The following ROCK1 variants were observed in gnomAD, a reference collection of about 807,000 sequenced individuals.
The protein encoded by ROCK1 is Rho associated coiled-coil containing protein kinase 1, also known as rho-associated protein kinase 1.
A neutral mutation model predicts 196.8 loss-of-function variants in ROCK1; 36 were observed. That is an observed-to-expected ratio of 0.18 (90% confidence interval 0.14 to 0.24). ROCK1 has a LOEUF of 0.24. Among genes scored for constraint, ROCK1 ranks in the 10% least tolerant of loss-of-function variants. The pLI, the probability that ROCK1 is intolerant of heterozygous loss-of-function variation, is 1.00. For missense variants in ROCK1, 920 were observed against 1,562.0 expected, an observed-to-expected ratio of 0.59 and a Z score of 6.93; for synonymous variants, 443 against 515.9, an observed-to-expected ratio of 0.86 and a Z score of 1.91.
At chr18:21,056,665 T>C (rs1598546468) in intron 2 of ROCK1, among the ~76,000 whole-genome samples, 1 of 152,274 alleles carries the variant, frequency 6.6e-6, no homozygotes, top group East Asian at 1.9e-4. Context: ...TGCTCAAAAG[T>C]CTCTAATGTC....
At position 21,111,305 on chromosome 18, in the gene ROCK1, C is replaced by T. The variant is rs1462300504; in HGVS notation, c.-395G>A. The T allele has an allele frequency of 6.6e-6, 3 of 456,320 alleles. No homozygotes were observed. The highest frequency in any genetic ancestry group is 6.1e-5 in the African/African-American group (3 of 49,010). The allele number at this position is 456,320 out of a possible 1,614,324, so 28.3% of individuals were successfully genotyped here. A position where few individuals can be genotyped will look rare whatever the true frequency, so the allele number is the denominator to read the frequency against. On this transcript the variant is annotated 5_prime_UTR_variant, in exon 1 of 33. Transcript: ENST00000399799. The surrounding 1 kb of genome is among the most constrained non-coding windows in gnomAD (Gnocchi z 4.2). ...AGAAAGAGAAGCAGGGTGGAGACTC[C>T]CTCCGGGCAACAAGGGAGGGAGAAG...
At chr18:21,079,764 G>A (rs2036467182) in intron 1 of ROCK1, among the ~76,000 whole-genome samples, 1 of 152,170 alleles carries the variant, frequency 6.6e-6, no homozygotes, top group Admixed American at 6.5e-5. Flanking sequence ...TAAAGGTCTG[G>A]GTTGTCTCGC....
intron 1 of ROCK1, among the ~76,000 whole-genome samples, chr18:21,097,726 T>C (rs1187193939): frequency 2.0e-5 from 3 of 152,216 alleles, no homozygotes; most frequent in African/African-American, 2.4e-5. Context: ...ATCTACTAAA[T>C]GTTGTGAACT....
intron 16 of ROCK1, among the ~76,000 whole-genome samples, chr18:20,994,010 T>TA (rs2035649240): frequency 5.9e-5 from 9 of 152,334 alleles, no homozygotes; most frequent in Admixed American, 5.9e-4. Context: ...TGTACTCTAG[T>TA]CACCTCCCAT....
rs1210479047 is a variant in ROCK1, at chr18:20,948,994, C to T, written c.*2390G>A. The T allele has an allele frequency of 3.3e-5, 5 of 151,142 alleles. No individual in the cohort carries two copies. Among genetic ancestry groups the T allele is most frequent in the Non-Finnish European group, 7.4e-5 (5 of 67,632 alleles). 9.4% of individuals were successfully genotyped at this position (151,142 alleles called of 1,614,324 possible). On this transcript the variant is annotated 3_prime_UTR_variant, in exon 33 of 33. Transcript: ENST00000399799. ...TCCTGATTATGGCACTATCTGGACC[C>T]TCTCAATATTGGTATACTTGGGAGT...
At position 20,985,247 on chromosome 18, in the gene ROCK1, T is replaced by C. The variant is rs570644779; in HGVS notation, c.2305-712A>G. On this transcript the variant is annotated intron_variant, in intron 19 of 32. Transcript: ENST00000399799. ...ACTCAACAAATATTTCTGAAGTGTT[T>C]ATTAGGTGTTGGGACCAATGAACTC... 3.9e-5 allele frequency among the ~76,000 whole-genome samples: 6 copies of C among 152,336 alleles called. No homozygotes were observed. The South Asian group carries it at 1.2e-3, about 32-fold the overall frequency.
At chr18:20,982,413 G>A (rs567417907) in intron 21 of ROCK1, among the ~76,000 whole-genome samples, 93 of 152,124 alleles carry the variant, frequency 6.1e-4, no homozygotes, top group Non-Finnish European at 1.3e-3. Flanking sequence ...CACCACAATC[G>A]GCTAATTTTT....
chr18:21,099,267 T>C (rs1245515368), intron 1 of ROCK1, among the ~76,000 whole-genome samples: 3 of 152,118 alleles, frequency 2.0e-5, no homozygotes, highest in Admixed American at 1.3e-4. Context: ...TAAAAAAGAA[T>C]ATAAATATAT....
intron 21 of ROCK1, 83 bp from the exon 22 acceptor site, chr18:20,980,087 A>T (rs529001162): frequency 5.1e-6 from 7 of 1,384,370 alleles, no homozygotes; most frequent in Admixed American, 3.3e-5. Flanking sequence ...TTAAAAAATT[A>T]ACATATGATC....
intron 12 of ROCK1, among the ~76,000 whole-genome samples, chr18:21,017,763 G>C (rs1427811650): frequency 1.3e-5 from 2 of 151,666 alleles, no homozygotes; most frequent in Non-Finnish European, 1.5e-5. Context: ...AAAAGGCCAG[G>C]AGATCGAGAC....
chr18:20,986,895 T>A, intron 19 of ROCK1, 55 bp downstream of exon 19: 1 of 1,451,742 alleles, frequency 6.9e-7, no homozygotes, highest in African/African-American at 1.4e-5. Context: ...CAGTCATAAC[T>A]TATATAACCG....
At chr18:21,087,242 G>A (rs1411528826) in intron 1 of ROCK1, among the ~76,000 whole-genome samples, 5 of 151,840 alleles carry the variant, frequency 3.3e-5, no homozygotes, top group Admixed American at 2.6e-4. Context: ...AGTGGCCCAG[G>A]AAGGCAAAAA....
intron 1 of ROCK1, among the ~76,000 whole-genome samples, chr18:21,076,961 CTTTTTTTTT>C (rs71178160): frequency 1.5e-5 from 1 of 65,966 alleles, no homozygotes; most frequent in African/African-American, 6.2e-5. Context: ...AAAGGACAGT[CTTTTTTTTT>C]TTTTTTTTTT....
chr18:21,051,299 TA>T (rs2036202040), intron 2 of ROCK1, among the ~76,000 whole-genome samples: 1 of 151,986 alleles, frequency 6.6e-6, no homozygotes, highest in Non-Finnish European at 1.5e-5. Context: ...AATATTTTTT[TA>T]AAAATTAGCT....
intron 2 of ROCK1, among the ~76,000 whole-genome samples, chr18:21,065,666 G>A (rs957962145): frequency 1.3e-5 from 2 of 151,856 alleles, no homozygotes; most frequent in Admixed American, 6.6e-5. Flanking sequence ...CACAACAATC[G>A]CTTAATTTTA....
rs2143616726 is a variant in ROCK1, at chr18:21,111,428, C to T, written c.-518G>A. 3 of 322,016 alleles carry T rather than the reference C, an allele frequency of 9.3e-6. No individual in the cohort carries two copies. The highest frequency in any genetic ancestry group is 1.2e-4 in the South Asian group (1 of 8,178). The allele number at this position is 322,016 out of a possible 1,614,324, so 19.9% of individuals were successfully genotyped here. The stretch of plus-strand genomic sequence containing the variant: ...CCGCTCCGCTCAGAGGCGCTGTAGA[C>T]GGTCTAGCCCCGCGTCCCCGGCTCT... On this transcript the variant is annotated 5_prime_UTR_variant, in exon 1 of 33. Transcript: ENST00000399799. The surrounding 1 kb of genome is among the most constrained non-coding windows in gnomAD (Gnocchi z 4.2).
chr18:21,010,990 A>C (rs1380056885), intron 13 of ROCK1, among the ~76,000 whole-genome samples: 1 of 152,142 alleles, frequency 6.6e-6, no homozygotes, highest in African/African-American at 2.4e-5. Flanking sequence ...TAACATTGCC[A>C]ATATGCTGCT....
chr18:21,029,690 T>C (rs1217899876), intron 9 of ROCK1, among the ~76,000 whole-genome samples: 1 of 152,156 alleles, frequency 6.6e-6, no homozygotes, highest in African/African-American at 2.4e-5. Context: ...TAAAACCGTA[T>C]GTGACAACGT....
chr18:21,010,790 CAAT>C (rs1406619322), intron 13 of ROCK1, among the ~76,000 whole-genome samples: 1 of 152,188 alleles, frequency 6.6e-6, no homozygotes, highest in Non-Finnish European at 1.5e-5. Context: ...AAGTCTCCAA[CAAT>C]AATTATGGAT....
Sources: allele counts gnomAD v4.1 joint callset (sites outside exome capture counted in the v4.1 genomes callset), GRCh38; gene constraint gnomAD v4.1.1; non-coding constraint Gnocchi (gnomAD v3.1); transcripts MANE v1.5; gene names NCBI Gene and HGNC (gene_info 2026-07-23, HGNC 2026-07-21).